Variants in AKAP19 observed in about 807,000 individuals in gnomAD.
The protein encoded by AKAP19 is small A-kinase anchoring protein.
the AKAP19 span, among the ~76,000 whole-genome samples, chr2:189,932,023 C>T: frequency 6.6e-6 from 1 of 152,158 alleles, no homozygotes; most frequent in Non-Finnish European, 1.5e-5. Context: ...TGCCAGACAC[C>T]TCACTGTTCT....
chr2:189,892,298 TGGA>T, the AKAP19 span, among the ~76,000 whole-genome samples: 6 of 152,142 alleles, frequency 3.9e-5, no homozygotes, highest in African/African-American at 1.2e-4. Flanking sequence ...TGTGATCCTT[TGGA>T]GGAGAAGAGG....
chr2:190,049,237 A>G, the AKAP19 span, among the ~76,000 whole-genome samples: 1 of 152,136 alleles, frequency 6.6e-6, no homozygotes, highest in African/African-American at 2.4e-5. Context: ...AAAAAAAATG[A>G]GTGAAGGATA....
At chr2:190,195,962 T>TTG in the AKAP19 span, among the ~76,000 whole-genome samples, 1 of 147,210 alleles carries the variant, frequency 6.8e-6, no homozygotes, top group Non-Finnish European at 1.5e-5. Context: ...TTTTTTTTTT[T>TTG]GGCATATGGA....
the AKAP19 span, chr2:190,202,830 T>A: frequency 6.0e-6 from 1 of 167,074 alleles, no homozygotes; most frequent in Non-Finnish European, 1.5e-5. Flanking sequence ...TTACAATGAC[T>A]CACTTAACCC....
the AKAP19 span, among the ~76,000 whole-genome samples, chr2:190,095,099 T>A: frequency 6.6e-6 from 1 of 152,100 alleles, no homozygotes; most frequent in African/African-American, 2.4e-5. Flanking sequence ...GGCCCATGCC[T>A]GTAATCCCAG....
chr2:190,040,548 T>G, the AKAP19 span, among the ~76,000 whole-genome samples: 1 of 152,248 alleles, frequency 6.6e-6, no homozygotes, highest in Non-Finnish European at 1.5e-5. Flanking sequence ...AATTTTTGCT[T>G]TGATTGCAAT....
the AKAP19 span, among the ~76,000 whole-genome samples, chr2:190,094,592 T>C: frequency 6.6e-6 from 1 of 152,268 alleles, no homozygotes; most frequent in Non-Finnish European, 1.5e-5. Flanking sequence ...CAGTATTACT[T>C]GATTTTTTAT....
the AKAP19 span, among the ~76,000 whole-genome samples, chr2:189,979,279 C>T: frequency 6.6e-6 from 1 of 151,946 alleles, no homozygotes; most frequent in Admixed American, 6.6e-5. Flanking sequence ...AAAGCCCACA[C>T]CTACAACCAA....
chr2:190,188,721 TAAGTATTTAA>T, the AKAP19 span, among the ~76,000 whole-genome samples: 4 of 152,264 alleles, frequency 2.6e-5, no homozygotes, highest in African/African-American at 4.8e-5. Flanking sequence ...AACTGCCTTT[TAAGTATTTAA>T]AAGTATTTAA....
the AKAP19 span, among the ~76,000 whole-genome samples, chr2:190,101,476 A>G: frequency 2.0e-5 from 3 of 152,112 alleles, no homozygotes; most frequent in Admixed American, 6.5e-5. Flanking sequence ...TTCAGAGCAC[A>G]CATTTGCCTG....
At chr2:190,115,282 TATATATATATATATATATA>T in the AKAP19 span, among the ~76,000 whole-genome samples, 9 of 6,740 alleles carry the variant, frequency 1.3e-3, no homozygotes, top group South Asian at 3.4e-3. Context: ...TATATATATA[TATATATATATATATATATA>T]TTTTTTTTTT....
the AKAP19 span, among the ~76,000 whole-genome samples, chr2:190,162,158 A>G: frequency 6.6e-6 from 1 of 152,184 alleles, no homozygotes; most frequent in African/African-American, 2.4e-5. Flanking sequence ...ACTATCTAGT[A>G]GAGTAGAAGA....
chr2:190,150,861 G>A, the AKAP19 span, among the ~76,000 whole-genome samples: 6 of 151,716 alleles, frequency 4.0e-5, no homozygotes, highest in Non-Finnish European at 7.4e-5. Flanking sequence ...TGTACTATAG[G>A]AGTTTTGGAT....
the AKAP19 span, among the ~76,000 whole-genome samples, chr2:190,121,387 A>G: frequency 4.1e-3 from 627 of 152,292 alleles, no homozygotes; most frequent in African/African-American, 0.015. Context: ...TGCTGGGATT[A>G]CAAGTGTGAG....
chr2:190,198,631 C>CAAAAAAAAAAAAAAAAAAAAA, the AKAP19 span, among the ~76,000 whole-genome samples: 1 of 70,592 alleles, frequency 1.4e-5, no homozygotes, highest in Non-Finnish European at 2.6e-5. Flanking sequence ...GACCCTGTCT[C>CAAAAAAAAAAAAAAAAAAAAA]AAAAAAAAAA....
chr2:189,899,961 A>G, the AKAP19 span, among the ~76,000 whole-genome samples: 2 of 152,144 alleles, frequency 1.3e-5, no homozygotes, highest in Admixed American at 1.3e-4. Flanking sequence ...TTCTGTGCAC[A>G]TATATAGTAT....
At chr2:189,966,267 A>C in the AKAP19 span, among the ~76,000 whole-genome samples, 14 of 152,136 alleles carry the variant, frequency 9.2e-5, no homozygotes, top group Non-Finnish European at 2.9e-5. Context: ...GGGTGCACCA[A>C]AATTTCACAA....
the AKAP19 span, among the ~76,000 whole-genome samples, chr2:190,087,552 A>AGGCC: frequency 1.3e-5 from 2 of 152,228 alleles, no homozygotes; most frequent in Non-Finnish European, 2.9e-5. Context: ...TTACTCTGAG[A>AGGCC]GGCCCGTCCT....
the AKAP19 span, among the ~76,000 whole-genome samples, chr2:190,109,700 C>T: frequency 3.9e-5 from 6 of 152,198 alleles, no homozygotes; most frequent in South Asian, 6.2e-4. Flanking sequence ...TATTGCCTAT[C>T]TCAGGATCTG....
Sources: allele counts gnomAD v4.1 joint callset (sites outside exome capture counted in the v4.1 genomes callset), GRCh38; gene constraint gnomAD v4.1.1; transcripts MANE v1.5; gene names NCBI Gene and HGNC (gene_info 2026-07-23, HGNC 2026-07-21).